Variants in SYNJ2 observed in about 807,000 individuals in gnomAD.
The protein encoded by SYNJ2 is polyphosphatidylinositol phosphatase SYNJ2.
SYNJ2 carries 116 observed loss-of-function variants against 141.3 expected under a neutral mutation model. That is an observed-to-expected ratio of 0.82 (90% CI 0.71 to 0.96). The LOEUF (loss-of-function observed/expected upper bound fraction) is 0.96. Ranked by LOEUF, SYNJ2 falls within the 40% of genes least tolerant of loss-of-function variation. SYNJ2 has a pLI of 0.00. For synonymous variants in SYNJ2, 745 were observed against 777.7 expected (o/e 0.96, Z 0.70); for missense variants, 1,873 against 1,934.8 (o/e 0.97, Z 0.60).
chr6:158,072,415 G>A (rs1294085871), intron 15 of SYNJ2, among the ~76,000 whole-genome samples: 6 of 152,194 alleles, frequency 3.9e-5, no homozygotes, highest in African/African-American at 1.4e-4. Context: ...TCTCCTTCCT[G>A]TGCAAAGATG....
chr6:158,016,205 CTGGG>C (rs1421718910), intron 1 of SYNJ2, among the ~76,000 whole-genome samples: 1 of 152,216 alleles, frequency 6.6e-6, no homozygotes, highest in Non-Finnish European at 1.5e-5. Flanking sequence ...CCTCCACCTC[CTGGG>C]TTCAAGCCAT....
At chr6:157,995,094 T>C (rs1202979515) in intron 1 of SYNJ2, among the ~76,000 whole-genome samples, 2 of 152,200 alleles carry the variant, frequency 1.3e-5, no homozygotes, top group African/African-American at 4.8e-5. Context: ...ACTGCAGAAG[T>C]GGTATTTGGA....
chr6:158,063,872 G>C lies in SYNJ2; in HGVS notation c.1209G>C (p.Glu403Asp), dbSNP rs141160611. ...CTGTGCAGAGCTTCATCGCGCTCGA[G>C]GTGCGTCCCTGCCACAGCCTTTTCG... ...TNTVQSFIAL[E>D]VLHLQLKTLG... The change falls in exon 9 of 27, where the codon GAG becomes GAC. Residue 403 changes from glutamate (E) to aspartate (D), a missense_variant and splice_region_variant. By Grantham distance (45) the Glu-to-Asp change is conservative. Coordinates refer to ENST00000355585, the MANE Select transcript of SYNJ2 (RefSeq NM_003898.4). 830 of 1,613,368 alleles carry C rather than the reference G, an allele frequency of 5.1e-4. 11 individuals are homozygous for C. In the East Asian group the frequency reaches 0.018, roughly 36 times the overall value.
rs75150283 is a variant in SYNJ2, at chr6:158,074,678, C to A, written c.2232C>A (p.Arg744=). 1 of 1,613,986 alleles carries A rather than the reference C, an allele frequency of 6.2e-7. No homozygotes were observed. ...AAGAAGTCTTCTATTTTGTTAAACG[C>A]CAAGACTGGAAGAAACTTCTGGAAT... The part of the protein sequence containing the change: ...TYEEVFYFVK[R]QDWKKLLEFD... The change falls in exon 16 of 27, where the codon CGC becomes CGA. Residue 744 remains arginine, a synonymous_variant. Transcript: ENST00000355585.
rs1226608061 is a variant in SYNJ2, at chr6:158,068,742, T to A, written c.1799+14T>A. 1 of 1,613,826 alleles carries A rather than the reference T, an allele frequency of 6.2e-7. No individual in the cohort carries two copies. Among genetic ancestry groups the A allele is most frequent in the South Asian group, 1.1e-5 (1 of 91,062 alleles). On this transcript the variant is annotated intron_variant, in intron 13 of 26. Transcript: ENST00000355585. ...TGTCAATGCCAGGTAAGGGGCCAGG[T>A]GTGCGGGGCCAGGCAGGGACTTCCT... is the stretch of plus-strand genomic sequence containing the variant.
rs557691014 is a variant in SYNJ2, at chr6:158,063,743, C to T, written c.1128-48C>T. ...ATGGGCCTCTGTGCTATGGCCACTGCTTCTTTGAAAACAACATATAACCGT... is the reference window on the plus strand; with the variant it reads ...ATGGGCCTCTGTGCTATGGCCACTGTTTCTTTGAAAACAACATATAACCGT... On this transcript the variant is annotated intron_variant, in intron 8 of 26. Transcript: ENST00000355585. The T allele has an allele frequency of 5.1e-4, 777 of 1,523,154 alleles. 16 individuals are homozygous for T. In the South Asian group the frequency reaches 8.3e-3, roughly 16 times the overall value. 94.4% of individuals were successfully genotyped at this position (1,523,154 alleles called of 1,614,324 possible).
At chr6:158,045,774 G>A (rs952998070) in intron 5 of SYNJ2, among the ~76,000 whole-genome samples, 1 of 151,864 alleles carries the variant, frequency 6.6e-6, no homozygotes, top group Non-Finnish European at 1.5e-5. Context: ...CTTGACCTTC[G>A]TGCTGCCTCA....
At chr6:158,063,737 C>A in intron 8 of SYNJ2, 54 bp from the exon 9 acceptor site, 2 of 1,444,892 alleles carry the variant, frequency 1.4e-6, no homozygotes, top group Non-Finnish European at 1.9e-6. Flanking sequence ...TGTGCTATGG[C>A]CACTGCTTCT....
intron 1 of SYNJ2, among the ~76,000 whole-genome samples, chr6:157,994,857 T>C (rs1227009243): frequency 6.6e-6 from 1 of 152,194 alleles, no homozygotes; most frequent in Non-Finnish European, 1.5e-5. Flanking sequence ...GTTGAAAATA[T>C]TGGCAATTCT....
At chr6:158,004,869 T>G (rs1161222380) in intron 1 of SYNJ2, among the ~76,000 whole-genome samples, 2 of 151,866 alleles carry the variant, frequency 1.3e-5, no homozygotes, top group African/African-American at 4.8e-5. Context: ...TCACTATGAG[T>G]CTGGCGCTTG....
chr6:158,088,212 C>A (rs1783206942), intron 23 of SYNJ2, among the ~76,000 whole-genome samples: 1 of 151,662 alleles, frequency 6.6e-6, no homozygotes. Flanking sequence ...AGGCGCATAC[C>A]ATCAGGCTTG....
chr6:158,093,739 C>T (rs571020971), intron 26 of SYNJ2: 30 of 608,700 alleles, frequency 4.9e-5, no homozygotes, highest in East Asian at 4.6e-4. Context: ...TCTGGTACCG[C>T]CCATTTGCGT....
chr6:157,984,900 TGA>T (rs1310897858), intron 1 of SYNJ2, among the ~76,000 whole-genome samples: 2 of 152,310 alleles, frequency 1.3e-5, no homozygotes, highest in East Asian at 1.9e-4. Context: ...AATGAGAGGC[TGA>T]GAGACAAGTT....
In SYNJ2 at chr6:158,036,313, TGTG is replaced by T. The variant is rs909326790; in HGVS notation, c.711+2637_711+2639del. Reference sequence around the variant, plus strand: ...TTAGTTCCACCATTGTGGAGAACAATGTGGTGATTCCTCAGAGACCTACTCACA... The same window carrying T: ...TTAGTTCCACCATTGTGGAGAACAATGTGATTCCTCAGAGACCTACTCACA... On this transcript the variant is annotated intron_variant, in intron 4 of 26. Coordinates refer to ENST00000355585, the MANE Select transcript of SYNJ2 (RefSeq NM_003898.4). 9.0e-4 allele frequency among the ~76,000 whole-genome samples: 137 copies of T among 152,186 alleles called. 5 individuals carry two copies. Among genetic ancestry groups the T allele is most frequent in the Admixed American group, 7.8e-3 (119 of 15,278 alleles).
rs140077439 is a variant in SYNJ2, at chr6:158,033,666, G to A, written c.697G>A (p.Val233Met). ...VNDDGHVSNF[V>M]ETEQMIYMDD... The stretch of plus-strand genomic sequence containing the variant: ...CGACGACGGCCATGTGTCCAACTTC[G>A]TGGAGACAGAGCAGGTGAGTGCCCA... The change falls in exon 4 of 27, where the codon GTG (valine) becomes ATG (methionine). Residue 233 changes from valine (V) to methionine (M), a missense_variant. Physicochemically the swap from Val to Met is conservative, Grantham distance 21. Transcript: ENST00000355585. 1.4e-5 allele frequency: 22 copies of A among 1,609,748 alleles called. No homozygotes were observed. In the South Asian group the frequency reaches 1.5e-4, roughly 11 times the overall value.
Position 158,070,115 on chromosome 6 carries a change from A to G in SYNJ2, c.1940+442A>G. ...CCTCATTGTCATTTCTCCAAGGTGCATGCTTTGTGAGCATCAGAAAGGGGG... is the reference window on the plus strand; with the variant it reads ...CCTCATTGTCATTTCTCCAAGGTGCGTGCTTTGTGAGCATCAGAAAGGGGG... On this transcript the variant is annotated intron_variant, in intron 14 of 26. Transcript: ENST00000355585. This position sits in a 1 kb window ranked among gnomAD's most constrained non-coding sequence, Gnocchi z 4.0. 3.1e-6 allele frequency: 3 copies of G among 979,512 alleles called. No homozygotes were observed. The highest frequency in any genetic ancestry group is 3.6e-6 in the Non-Finnish European group (3 of 824,386). The allele number at this position is 979,512 out of a possible 1,614,324, so 60.7% of individuals were successfully genotyped here.
At position 157,988,676 on chromosome 6, in the gene SYNJ2, C is replaced by T. The variant is rs533612887; in HGVS notation, c.127+6588C>T. On this transcript the variant is annotated intron_variant, in intron 1 of 26. Transcript: ENST00000355585. ...TGGGGAATATATTCTGTTTTCTTTC[C>T]ACTTGAATTGTCCTTAAAGCCATGG... is the stretch of plus-strand genomic sequence containing the variant. Among the ~76,000 whole-genome samples, 349 of 152,288 alleles carry T rather than the reference C, an allele frequency of 2.3e-3. 1 individual carries two copies. The highest frequency in any genetic ancestry group is 5.2e-3 in the Admixed American group (80 of 15,304).
intron 16 of SYNJ2, among the ~76,000 whole-genome samples, chr6:158,075,573 G>A (rs6900900): frequency 0.4 from 61,198 of 151,244 alleles, 12,701 homozygotes; most frequent in Middle Eastern, 0.51. Flanking sequence ...CCTGGGAGGC[G>A]GAAGTTGCAG....
At chr6:158,055,816 G>T (rs1780835947) in intron 6 of SYNJ2, among the ~76,000 whole-genome samples, 1 of 152,168 alleles carries the variant, frequency 6.6e-6, no homozygotes, top group African/African-American at 2.4e-5. Flanking sequence ...GAGCCCAGAT[G>T]TGACCCCCTG....
Sources: gnomAD v4.1 joint callset for allele counts (sites outside exome capture counted in the v4.1 genomes callset) on GRCh38, gnomAD v4.1.1 for gene constraint, Gnocchi (gnomAD v3.1) non-coding constraint, MANE v1.5 for transcripts, NCBI Gene and HGNC (gene_info 2026-07-23, HGNC 2026-07-21) for gene names.